The following LARGE1 variants were observed in gnomAD, a reference collection of about 807,000 sequenced individuals.
The protein encoded by LARGE1 is LARGE xylosyl- and glucuronyltransferase 1.
A neutral mutation model predicts 87.6 loss-of-function variants in LARGE1; 43 were observed. The observed-to-expected ratio is 0.49, with a 90% CI of 0.38 to 0.63. The LOEUF (loss-of-function observed/expected upper bound fraction) is 0.63. LARGE1 is among the 30% of genes least tolerant of loss of function. The pLI is 0.00. For missense variants in LARGE1, 802 were observed against 1,000.2 expected (o/e 0.80, Z 2.67); for synonymous variants, 434 against 394.6 (o/e 1.10, Z -1.18).
the LARGE1 span, among the ~76,000 whole-genome samples, chr22:33,149,321 C>T: frequency 9.9e-5 from 15 of 152,054 alleles, no homozygotes; most frequent in African/African-American, 2.9e-4. Flanking sequence ...GGATTACAGC[C>T]GTGAGCCACC....
chr22:33,119,802 G>C, the LARGE1 span, among the ~76,000 whole-genome samples: 1 of 152,240 alleles, frequency 6.6e-6, no homozygotes, highest in East Asian at 1.9e-4. Context: ...GACACGTGTG[G>C]AGTGCCTGGT....
At chr22:33,809,270 C>CAA (rs1342499766) in intron 1 of LARGE1, among the ~76,000 whole-genome samples, 39,932 of 146,966 alleles carry the variant, frequency 0.27, 5,538 homozygotes, top group East Asian at 0.38. Flanking sequence ...GACTCCATCT[C>CAA]AAAAAAAAAA....
chr22:33,748,511 T>C (rs17807797), intron 2 of LARGE1, among the ~76,000 whole-genome samples: 8,389 of 152,222 alleles, frequency 0.055, 268 homozygotes, highest in Non-Finnish European at 0.081. Flanking sequence ...GCAAACCTAA[T>C]TCATGCTAGG....
intron 11 of LARGE1, among the ~76,000 whole-genome samples, chr22:33,173,352 G>A (rs1922681807): frequency 6.6e-6 from 1 of 152,164 alleles, no homozygotes; most frequent in South Asian, 2.1e-4. Context: ...CCTGAAGGAA[G>A]CATTAAACAT....
chr22:33,097,793 G>A, the LARGE1 span, among the ~76,000 whole-genome samples: 1 of 152,160 alleles, frequency 6.6e-6, no homozygotes, highest in African/African-American at 2.4e-5. Context: ...AAAATAACGG[G>A]TATAATATCA....
At chr22:33,432,104 G>A in intron 7 of LARGE1, 57 bp downstream of exon 7, 4 of 1,359,168 alleles carry the variant, frequency 2.9e-6, no homozygotes, top group Non-Finnish European at 4.2e-6. Flanking sequence ...TGCGGAAGGA[G>A]CACTGGGTCC....
the LARGE1 span, among the ~76,000 whole-genome samples, chr22:33,098,477 G>A: frequency 0.27 from 40,583 of 151,710 alleles, 6,003 homozygotes; most frequent in Non-Finnish European, 0.34. Context: ...AAAAATTAGC[G>A]GGGTATGGTG....
chr22:33,180,502 T>C (rs137364), intron 11 of LARGE1, among the ~76,000 whole-genome samples: 68,990 of 152,100 alleles, frequency 0.45, 15,989 homozygotes, highest in Middle Eastern at 0.5. Context: ...CTAGGCACTG[T>C]GAAAAACTGG....
intron 2 of LARGE1, among the ~76,000 whole-genome samples, chr22:33,748,023 G>GAAAAAAA (rs2084158889): frequency 4.1e-5 from 1 of 24,180 alleles, no homozygotes; most frequent in Non-Finnish European, 6.2e-5. Flanking sequence ...CTCTGCTGGA[G>GAAAAAAA]CAAAAAAAAA....
intron 2 of LARGE1, among the ~76,000 whole-genome samples, chr22:33,655,787 A>T (rs887473870): frequency 1.3e-5 from 2 of 152,144 alleles, no homozygotes; most frequent in South Asian, 2.1e-4. Flanking sequence ...ACTTTTTGTT[A>T]AAAAAAGGCA....
chr22:33,857,589 T>C lies in LARGE1; in HGVS notation c.-83+62406A>G, dbSNP rs1436138004. On this transcript the variant is annotated intron_variant, in intron 1 of 14. Transcript: ENST00000397394. ...AGATAAACAAAATGCCTATTTTAAA[T>C]AGAAAATGATAATCGAGTGCATCAG... Among the ~76,000 whole-genome samples the C allele has an allele frequency of 6.6e-5, 10 of 152,356 alleles. 1 individual carries two copies. The East Asian group carries it at 1.9e-3, about 29-fold the overall frequency.
chr22:33,126,637 A>C, the LARGE1 span, among the ~76,000 whole-genome samples: 1 of 152,172 alleles, frequency 6.6e-6, no homozygotes, highest in Non-Finnish European at 1.5e-5. Flanking sequence ...CTTCTCTGCA[A>C]CTCAACTTTC....
At chr22:33,781,383 C>G (rs1453573158) in intron 1 of LARGE1, among the ~76,000 whole-genome samples, 1 of 152,164 alleles carries the variant, frequency 6.6e-6, no homozygotes, top group East Asian at 1.9e-4. Flanking sequence ...TGCCTGTAAT[C>G]CCAGCTACTC....
chr22:33,826,072 A>G (rs923263730), intron 1 of LARGE1, among the ~76,000 whole-genome samples: 11 of 152,092 alleles, frequency 7.2e-5, no homozygotes, highest in African/African-American at 2.7e-4. Context: ...TTTTTTTAAT[A>G]TAGTGGTAAA....
intron 11 of LARGE1, among the ~76,000 whole-genome samples, chr22:33,308,664 C>T (rs1056733435): frequency 6.6e-6 from 1 of 152,116 alleles, no homozygotes; most frequent in African/African-American, 2.4e-5. Context: ...TAGCCCTACA[C>T]CACCTTGCCC....
At chr22:33,405,149 C>A (rs1032439090) in intron 7 of LARGE1, among the ~76,000 whole-genome samples, 1 of 152,232 alleles carries the variant, frequency 6.6e-6, no homozygotes, top group African/African-American at 2.4e-5. Flanking sequence ...TAGATCCCTA[C>A]AAGGACATTG....
chr22:33,432,931 C>T (rs1037667210), intron 6 of LARGE1, among the ~76,000 whole-genome samples: 1 of 152,194 alleles, frequency 6.6e-6, no homozygotes, highest in African/African-American at 2.4e-5. Context: ...ATAACAACTG[C>T]TCCTCTGTCC....
intron 1 of LARGE1, among the ~76,000 whole-genome samples, chr22:33,894,105 C>CAACCCTCTAGATGGGGACTCTAGGTCA (rs1313477561): frequency 6.6e-6 from 1 of 151,982 alleles, no homozygotes; most frequent in Non-Finnish European, 1.5e-5. Flanking sequence ...CACTCAGGGT[C>CAACCCTCTAGATGGGGACTCTAGGTCA]ACCCTCTAGA....
At chr22:33,363,789 G>A (rs1160489827) in intron 9 of LARGE1, among the ~76,000 whole-genome samples, 3 of 149,890 alleles carry the variant, frequency 2.0e-5, no homozygotes, top group Admixed American at 2.0e-4. Context: ...AGGGCGACTT[G>A]AACACAAGCA....
Sources: gnomAD v4.1 joint callset for allele counts (sites outside exome capture counted in the v4.1 genomes callset) on GRCh38, gnomAD v4.1.1 for gene constraint, MANE v1.5 for transcripts, NCBI Gene and HGNC (gene_info 2026-07-23, HGNC 2026-07-21) for gene names.